SV2C: variants seen among roughly 807,000 people sequenced by gnomAD.
SV2C encodes the protein solute carrier family 22 member B3.
In SV2C, 49 loss-of-function variants were observed where a neutral mutation model predicts 79.7. The observed-to-expected ratio is 0.61, with a 90% CI of 0.49 to 0.78. The LOEUF (loss-of-function observed/expected upper bound fraction) is 0.78. Ranked by LOEUF, SV2C falls within the 30% of genes least tolerant of loss-of-function variation. The probability of loss-of-function intolerance (pLI) is 0.00; values close to 1 mark genes in which losing one functional copy is unlikely to be tolerated. For missense variants in SV2C, 833 were observed against 912.9 expected (o/e 0.91, Z 1.13); for synonymous variants, 334 against 333.2 (o/e 1.00, Z -0.03).
At chr5:75,933,679 A>C in the SV2C span, among the ~76,000 whole-genome samples, 1 of 152,230 alleles carries the variant, frequency 6.6e-6, no homozygotes, top group Non-Finnish European at 1.5e-5. Context: ...TGCATGCAGC[A>C]GGAACCATCT....
chr5:76,309,943 A>G (rs1183283755), intron 12 of SV2C, among the ~76,000 whole-genome samples: 2 of 152,052 alleles, frequency 1.3e-5, no homozygotes, highest in Admixed American at 6.5e-5. Flanking sequence ...GGACATGTTG[A>G]GTTTTTACAT....
intron 12 of SV2C, among the ~76,000 whole-genome samples, chr5:76,302,630 CAAAAAAAAAAA>C (rs60732488): frequency 5.8e-5 from 4 of 68,866 alleles, no homozygotes; most frequent in African/African-American, 2.4e-4. Flanking sequence ...GACTCCATCT[CAAAAAAAAAAA>C]AAAAAAAAAA....
At chr5:76,254,271 G>GAC (rs1746205741) in intron 4 of SV2C, among the ~76,000 whole-genome samples, 1 of 151,516 alleles carries the variant, frequency 6.6e-6, no homozygotes, top group Non-Finnish European at 1.5e-5. Context: ...GAGAGAGAGA[G>GAC]AGATATTAAA....
intron 2 of SV2C, among the ~76,000 whole-genome samples, chr5:76,190,617 C>T (rs1022221535): frequency 1.3e-4 from 20 of 152,282 alleles, no homozygotes; most frequent in African/African-American, 4.8e-4. Flanking sequence ...GTCCATACTT[C>T]ATAGTCTAGT....
At chr5:75,948,907 G>T in the SV2C span, among the ~76,000 whole-genome samples, 1 of 151,912 alleles carries the variant, frequency 6.6e-6, no homozygotes, top group Non-Finnish European at 1.5e-5. Context: ...TAGAACTTTG[G>T]CTTTTGTGAT....
chr5:76,040,086 T>C, the SV2C span, among the ~76,000 whole-genome samples: 2 of 152,198 alleles, frequency 1.3e-5, no homozygotes, highest in African/African-American at 4.8e-5. Context: ...TATATCTCCT[T>C]GCTTCTAAGA....
chr5:76,172,562 G>C (rs1189750756), intron 2 of SV2C, among the ~76,000 whole-genome samples: 46 of 61,174 alleles, frequency 7.5e-4, no homozygotes, highest in African/African-American at 3.7e-3. Context: ...ACAGCTCATT[G>C]AGAACGGGCC....
At chr5:76,096,672 C>A (rs1166037857) in intron 1 of SV2C, among the ~76,000 whole-genome samples, 1 of 151,994 alleles carries the variant, frequency 6.6e-6, no homozygotes, top group African/African-American at 2.4e-5. Flanking sequence ...CATGGGGTGC[C>A]CAGATATTTG....
chr5:76,130,177 AAAAG>A lies in SV2C; in HGVS notation c.-101-1471_-101-1468del, dbSNP rs1341277820. On this transcript the variant is annotated intron_variant, in intron 1 of 12. Coordinates refer to ENST00000502798, the MANE Select transcript of SV2C (RefSeq NM_014979.4). Reference sequence around the variant, plus strand: ...AAAAAAAAAAAAAAAAAAAAAAAAAAAAAGAGCTGGGGGAGAACAAACAGAAAAA... The same window carrying A: ...AAAAAAAAAAAAAAAAAAAAAAAAAAAGCTGGGGGAGAACAAACAGAAAAA... 6.2e-3 allele frequency among the ~76,000 whole-genome samples: 668 copies of A among 108,188 alleles called. 11 individuals are homozygous for A. The highest frequency in any genetic ancestry group is 0.022 in the African/African-American group (620 of 27,820). 71.0% of individuals were successfully genotyped at this position (108,188 alleles called of 152,430 possible). A position where few individuals can be genotyped will look rare whatever the true frequency, so the allele number is the denominator to read the frequency against.
intron 12 of SV2C, among the ~76,000 whole-genome samples, chr5:76,301,974 C>T (rs1019749878): frequency 2.7e-5 from 4 of 146,476 alleles, no homozygotes; most frequent in African/African-American, 1.0e-4. Context: ...CCAAAAATAT[C>T]TGGCTTCACA....
chr5:76,273,731 A>G (rs1458361837), intron 4 of SV2C, among the ~76,000 whole-genome samples: 2 of 152,128 alleles, frequency 1.3e-5, no homozygotes, highest in East Asian at 1.9e-4. Flanking sequence ...AAGACAGATG[A>G]CTATTGGAGT....
At chr5:76,132,606 T>G (rs1748938883) in intron 2 of SV2C, among the ~76,000 whole-genome samples, 1 of 152,204 alleles carries the variant, frequency 6.6e-6, no homozygotes, top group Non-Finnish European at 1.5e-5. Context: ...CAAAGTAAGT[T>G]AGAGTATGTT....
intron 2 of SV2C, among the ~76,000 whole-genome samples, chr5:76,190,817 A>G (rs2112320259): frequency 6.6e-6 from 1 of 152,348 alleles, no homozygotes; most frequent in South Asian, 2.1e-4. Context: ...AGCTTTATTT[A>G]ATGTCAGTCC....
At chr5:76,274,488 T>G (rs966812164) in intron 4 of SV2C, among the ~76,000 whole-genome samples, 1 of 152,112 alleles carries the variant, frequency 6.6e-6, no homozygotes, top group African/African-American at 2.4e-5. Context: ...AAATCACTAT[T>G]ATTTAAAAGT....
At chr5:76,160,889 G>A (rs1016560357) in intron 2 of SV2C, among the ~76,000 whole-genome samples, 2 of 152,132 alleles carry the variant, frequency 1.3e-5, no homozygotes, top group Non-Finnish European at 2.9e-5. Context: ...AGAAGTGTTG[G>A]CAAGGATTTG....
chr5:76,070,808 A>G, the SV2C span, among the ~76,000 whole-genome samples: 1 of 152,230 alleles, frequency 6.6e-6, no homozygotes, highest in African/African-American at 2.4e-5. Flanking sequence ...CTACTTCTGC[A>G]TTCCCTCTGG....
chr5:75,895,577 A>T, the SV2C span, among the ~76,000 whole-genome samples: 1 of 152,204 alleles, frequency 6.6e-6, no homozygotes, highest in African/African-American at 2.4e-5. Context: ...GGGATGATGG[A>T]TAACCTAGTA....
chr5:76,290,980 T>C (rs1747542447), intron 6 of SV2C, among the ~76,000 whole-genome samples: 2 of 152,244 alleles, frequency 1.3e-5, no homozygotes, highest in Admixed American at 1.3e-4. Flanking sequence ...ATTCTATTAC[T>C]ACTTGCCCTT....
chr5:75,984,526 G>T, the SV2C span, among the ~76,000 whole-genome samples: 1 of 146,396 alleles, frequency 6.8e-6, no homozygotes, highest in South Asian at 2.1e-4. Context: ...AGAAGTAAGA[G>T]ATCTATCTGC....
Sources: allele counts gnomAD v4.1 joint callset (sites outside exome capture counted in the v4.1 genomes callset), GRCh38; gene constraint gnomAD v4.1.1; transcripts MANE v1.5; gene names NCBI Gene and HGNC (gene_info 2026-07-23, HGNC 2026-07-21).